SHROOM2: variants seen among roughly 807,000 people sequenced by gnomAD.
SHROOM2 encodes the protein protein Shroom2.
Under a neutral mutation model 75.9 loss-of-function variants are expected in SHROOM2, and 33 were observed. The ratio of observed to expected loss-of-function variants is 0.43; its 90% CI spans 0.33 to 0.58. The LOEUF (loss-of-function observed/expected upper bound fraction) is 0.58, where lower values mean the gene tolerates loss of function less well. Ranked by LOEUF, SHROOM2 falls within the 20% of genes least tolerant of loss-of-function variation. The pLI is 0.04. For synonymous variants in SHROOM2, 655 were observed against 663.6 expected, an observed-to-expected ratio of 0.99 and a Z score of 0.20; for missense variants, 1,434 against 1,461.2, an observed-to-expected ratio of 0.98 and a Z score of 0.30.
chrX:9,908,778 C>G (rs1483721861), intron 5 of SHROOM2, among the ~76,000 whole-genome samples: 5 of 108,352 alleles, frequency 4.6e-5, no homozygotes, highest in African/African-American at 1.7e-4. Context: ...ATAGTGAGAC[C>G]CCATCTCTAC....
At chrX:9,855,295 TAA>T (rs57235424) in intron 1 of SHROOM2, among the ~76,000 whole-genome samples, 21 of 39,295 alleles carry the variant, frequency 5.3e-4, no homozygotes, top group Middle Eastern at 0.026. Flanking sequence ...TAAAGTATAG[TAA>T]AAAAAAAAAA....
intron 1 of SHROOM2, chrX:9,818,976 T>C: frequency 1.5e-6 from 1 of 678,429 alleles, no homozygotes; most frequent in Non-Finnish European, 2.4e-6. Context: ...TGGTGGTGTC[T>C]CACTGCTGGA....
chrX:9,939,124 CA>C, intron 7 of SHROOM2, 70 bp from the exon 8 acceptor site: 1 of 986,983 alleles, frequency 1.0e-6, no homozygotes, highest in Non-Finnish European at 1.4e-6. Context: ...TGTCACAACC[CA>C]GGGGGTGGGG....
At position 9,891,818 on chromosome X, in the gene SHROOM2, G is replaced by A. The variant is rs1348478517; in HGVS notation, c.449+710G>A. On this transcript the variant is annotated intron_variant, in intron 3 of 9. Coordinates refer to ENST00000380913, the MANE Select transcript of SHROOM2 (RefSeq NM_001649.4). The stretch of plus-strand genomic sequence containing the variant: ...TCTCTTTGCTTGTATGTGCATGTGT[G>A]TGCACATGTATATGTGTATGTGAGT... Among the ~76,000 whole-genome samples the A allele has an allele frequency of 2.7e-5, 3 of 110,789 alleles. No individual in the cohort carries two copies. The East Asian group carries it at 8.6e-4, about 32-fold the overall frequency.
chrX:9,860,955 A>C (rs1231243249), intron 1 of SHROOM2, among the ~76,000 whole-genome samples: 1 of 111,981 alleles, frequency 8.9e-6, no homozygotes, highest in East Asian at 2.8e-4. Flanking sequence ...ATACTGTATG[A>C]TTCTACCTAT....
chrX:9,841,748 A>G (rs1256300213), intron 1 of SHROOM2, among the ~76,000 whole-genome samples: 1 of 111,917 alleles, frequency 8.9e-6, no homozygotes, highest in African/African-American at 3.2e-5. Flanking sequence ...TGATGTTCAA[A>G]CATTCTAATG....
chrX:9,834,745 T>G (rs891568968), intron 1 of SHROOM2, among the ~76,000 whole-genome samples: 3 of 111,756 alleles, frequency 2.7e-5, no homozygotes, highest in Non-Finnish European at 5.6e-5. Context: ...ACAATCATGG[T>G]TCACCTTTTA....
In SHROOM2 at chrX:9,894,499, C is replaced by T. The variant is rs996210095; in HGVS notation, c.591C>T (p.Ile197=). The change falls in exon 4 of 10, where the codon ATC becomes ATT. Residue 197 remains isoleucine (I), a synonymous_variant. Coordinates refer to ENST00000380913, the MANE Select transcript of SHROOM2 (RefSeq NM_001649.4). The part of the protein sequence containing the change: ...RLSVAKSNSS[I]DHLGSHSKRD... The stretch of plus-strand genomic sequence containing the variant: ...CGGTGGCCAAGTCCAACAGCAGCAT[C>T]GACCACCTGGGCAGCCACAGCAAGC... 7 of 1,208,946 alleles carry T rather than the reference C, an allele frequency of 5.8e-6. No homozygotes were observed. In the Admixed American group the frequency reaches 1.1e-4, roughly 19 times the overall value.
chrX:9,828,935 G>A (rs1235592454), intron 1 of SHROOM2, among the ~76,000 whole-genome samples: 1 of 112,812 alleles, frequency 8.9e-6, no homozygotes, highest in Non-Finnish European at 1.9e-5. Flanking sequence ...AATCCTTTGT[G>A]TTGATTGACT....
At chrX:9,921,493 C>T in intron 5 of SHROOM2, among the ~76,000 whole-genome samples, 1 of 111,051 alleles carries the variant, frequency 9.0e-6, no homozygotes, top group African/African-American at 3.3e-5. Flanking sequence ...GATCTACCCC[C>T]TTAGCAAATT....
rs1242831999 is a variant in SHROOM2 at position 9,801,589 on chromosome X, TTAA to T, written c.165+14887_165+14889del. ...TGAAACACAAAAGATGTAAAATATT[TTAA>T]TAATAATTTATTATGTTGGAATTAT... On this transcript the variant is annotated intron_variant, in intron 1 of 9. Transcript: ENST00000380913. 2.7e-5 allele frequency among the ~76,000 whole-genome samples: 3 copies of T among 112,361 alleles called. No individual in the cohort carries two copies. The Admixed American group carries it at 2.9e-4, about 11-fold the overall frequency.
At chrX:9,920,142 C>T (rs2084532174) in intron 5 of SHROOM2, among the ~76,000 whole-genome samples, 2 of 111,403 alleles carry the variant, frequency 1.8e-5, no homozygotes, top group Non-Finnish European at 3.8e-5. Flanking sequence ...CGCTACAACT[C>T]ATCAGACAGA....
chrX:9,862,219 G>A (rs2084108290), intron 1 of SHROOM2, among the ~76,000 whole-genome samples: 1 of 111,499 alleles, frequency 9.0e-6, no homozygotes, highest in Admixed American at 9.5e-5. Context: ...TTAACTAGTA[G>A]CTACTATAGG....
chrX:9,865,554 C>CTTTTTTTTT (rs56790591), intron 1 of SHROOM2: 1 of 42,655 alleles, frequency 2.3e-5, no homozygotes, highest in African/African-American at 1.1e-4. Flanking sequence ...TTCCTGCTGC[C>CTTTTTTTTT]TTTTTTTTTT....
At chrX:9,797,753 G>A (rs1054543424) in intron 1 of SHROOM2, among the ~76,000 whole-genome samples, 17 of 112,114 alleles carry the variant, frequency 1.5e-4, no homozygotes, top group African/African-American at 4.9e-4. Flanking sequence ...GCAGGAGGCC[G>A]GGAGAATGCC....
At chrX:9,883,233 C>T (rs2084241812) in intron 2 of SHROOM2, among the ~76,000 whole-genome samples, 1 of 112,132 alleles carries the variant, frequency 8.9e-6, no homozygotes, top group African/African-American at 3.2e-5. Context: ...GAAGTTGATC[C>T]AGGAAAGTCT....
intron 1 of SHROOM2, among the ~76,000 whole-genome samples, chrX:9,801,842 G>A (rs2083725383): frequency 9.1e-6 from 1 of 110,395 alleles, no homozygotes; most frequent in Non-Finnish European, 1.9e-5. Context: ...TGTAGTCCAA[G>A]CTGCTTGAGA....
chrX:9,815,584 C>G (rs1022584006), intron 1 of SHROOM2, among the ~76,000 whole-genome samples: 1 of 106,013 alleles, frequency 9.4e-6, no homozygotes, highest in South Asian at 4.1e-4. Context: ...ATATCTATAT[C>G]TATATCTATA....
chrX:9,929,484 G>A (rs908516853), intron 5 of SHROOM2, among the ~76,000 whole-genome samples: 1 of 111,094 alleles, frequency 9.0e-6, no homozygotes, highest in African/African-American at 3.3e-5. Context: ...GGCACCTTCT[G>A]ATTAGGAGAG....
Sources: gnomAD v4.1 joint callset for allele counts (sites outside exome capture counted in the v4.1 genomes callset) on GRCh38, gnomAD v4.1.1 for gene constraint, MANE v1.5 for transcripts, NCBI Gene and HGNC (gene_info 2026-07-23, HGNC 2026-07-21) for gene names.